Variants in FER observed in about 807,000 individuals in gnomAD.
FER encodes tyrosine-protein kinase Fer.
FER carries 63 observed loss-of-function variants against 111.0 expected under a neutral mutation model. The ratio of observed to expected loss-of-function variants is 0.57; its 90% CI spans 0.46 to 0.70. The LOEUF (loss-of-function observed/expected upper bound fraction) is 0.70, where lower values mean the gene tolerates loss of function less well. Among genes scored for constraint, FER ranks in the 30% least tolerant of loss-of-function variants. FER has a pLI of 0.00. For missense variants in FER, 914 were observed against 954.0 expected (o/e 0.96, Z 0.55); for synonymous variants, 327 against 313.9 (o/e 1.04, Z -0.44).
chr5:108,860,089 G>A (rs1763370232), intron 5 of FER, among the ~76,000 whole-genome samples: 2 of 151,650 alleles, frequency 1.3e-5, no homozygotes, highest in African/African-American at 4.8e-5. Context: ...CTACAGGTGT[G>A]CACCACCACG....
intron 9 of FER, among the ~76,000 whole-genome samples, chr5:108,892,796 G>T (rs1282879116): frequency 5.9e-5 from 9 of 152,120 alleles, no homozygotes; most frequent in Admixed American, 1.3e-4. Flanking sequence ...TTTTTATGGT[G>T]TTAGGTCTAA....
intron 17 of FER, among the ~76,000 whole-genome samples, chr5:109,175,885 G>T (rs189242321): frequency 1.4e-3 from 206 of 152,250 alleles, no homozygotes; most frequent in African/African-American, 4.3e-3. Flanking sequence ...AGGCCGAGGT[G>T]GGAGAATCGC....
intron 8 of FER, among the ~76,000 whole-genome samples, chr5:108,879,993 G>A (rs913909022): frequency 6.6e-6 from 1 of 151,960 alleles, no homozygotes; most frequent in Middle Eastern, 3.4e-3. Flanking sequence ...TTACAGATGT[G>A]AGCCACTGCT....
intron 8 of FER, among the ~76,000 whole-genome samples, chr5:108,873,166 A>T (rs1357267120): frequency 2.6e-5 from 4 of 151,870 alleles, no homozygotes; most frequent in Non-Finnish European, 5.9e-5. Flanking sequence ...TAATTTTGAG[A>T]TGAGGTCTCA....
At chr5:109,062,897 C>T (rs185568926) in intron 16 of FER, among the ~76,000 whole-genome samples, 13 of 152,290 alleles carry the variant, frequency 8.5e-5, no homozygotes, top group Non-Finnish European at 1.5e-5. Context: ...CCTTGGCAAT[C>T]CTCAAACTCA....
Position 109,173,756 on chromosome 5 carries a change from T to TCC in FER, c.2049-6981_2049-6980dup, listed in dbSNP as rs143786447. On this transcript the variant is annotated intron_variant, in intron 17 of 19. Transcript: ENST00000281092. ...ATGAGTAAGTGGTATAATATGTACC[T>TCC]CCCCCCCCCCCACAAGTAACATACA... 1.8e-3 allele frequency among the ~76,000 whole-genome samples: 224 copies of TCC among 121,958 alleles called. 3 individuals are homozygous for TCC. The highest frequency in any genetic ancestry group is 5.7e-3 in the African/African-American group (195 of 34,448). 80.0% of individuals were successfully genotyped at this position (121,958 alleles called of 152,430 possible).
At chr5:108,995,663 C>T (rs1763894815) in intron 13 of FER, among the ~76,000 whole-genome samples, 1 of 152,086 alleles carries the variant, frequency 6.6e-6, no homozygotes, top group South Asian at 2.1e-4. Flanking sequence ...TCCAGTCTAT[C>T]ATTGATGGGC....
chr5:109,147,715 G>C (rs547776663), intron 17 of FER, among the ~76,000 whole-genome samples: 1 of 149,134 alleles, frequency 6.7e-6, no homozygotes, highest in East Asian at 2.0e-4. Flanking sequence ...TTTTTGAAAA[G>C]TATCAGTGCA....
At chr5:108,998,216 T>C (rs1338964487) in intron 13 of FER, among the ~76,000 whole-genome samples, 3 of 145,778 alleles carry the variant, frequency 2.1e-5, no homozygotes, top group Admixed American at 6.9e-5. Flanking sequence ...CTCTTGCAGC[T>C]AGCTAGGTAC....
At chr5:109,053,916 C>T (rs1405756735) in intron 16 of FER, among the ~76,000 whole-genome samples, 1 of 152,012 alleles carries the variant, frequency 6.6e-6, no homozygotes, top group African/African-American at 2.4e-5. Flanking sequence ...TGGTCTCGAT[C>T]TCCTGACCTC....
chr5:108,909,805 T>G (rs1023037203), intron 10 of FER, among the ~76,000 whole-genome samples: 4 of 150,406 alleles, frequency 2.7e-5, no homozygotes, highest in African/African-American at 9.7e-5. Flanking sequence ...TATATACTTA[T>G]ATATAAATAA....
At chr5:108,883,922 G>T (rs1765923829) in intron 9 of FER, among the ~76,000 whole-genome samples, 1 of 151,978 alleles carries the variant, frequency 6.6e-6, no homozygotes, top group South Asian at 2.1e-4. Context: ...AATGGAAGCA[G>T]ACTGATGAGA....
intron 13 of FER, among the ~76,000 whole-genome samples, chr5:108,998,156 C>T (rs937952190): frequency 7.1e-6 from 1 of 141,452 alleles, no homozygotes; most frequent in South Asian, 2.4e-4. Context: ...TTCTGTCTTG[C>T]TGGCGTTCCA....
At chr5:108,920,106 T>A (rs955911219) in intron 10 of FER, among the ~76,000 whole-genome samples, 1 of 152,116 alleles carries the variant, frequency 6.6e-6, no homozygotes, top group Non-Finnish European at 1.5e-5. Flanking sequence ...ATGTAATACC[T>A]GAAGGTAAGA....
Position 108,867,849 on chromosome 5 carries a change from G to T in FER, c.564G>T (p.Ala188=). 1 of 1,612,860 alleles carries T rather than the reference G, an allele frequency of 6.2e-7. No individual in the cohort carries two copies. The highest frequency in any genetic ancestry group is 8.5e-7 in the Non-Finnish European group (1 of 1,179,468). ...LHMLHNQYVL[A]LKGAQLHQNQ... ...TGTTGCACAATCAGTATGTATTGGC[G>T]TTGAAAGGGGCACAGCTCCATCAGA... The change falls in exon 6 of 20, where the codon GCG becomes GCT. Residue 188 remains alanine, a synonymous_variant. Transcript: ENST00000281092.
At chr5:108,814,405 G>A (rs897947323) in intron 3 of FER, among the ~76,000 whole-genome samples, 9 of 152,168 alleles carry the variant, frequency 5.9e-5, no homozygotes, top group Non-Finnish European at 1.2e-4. Flanking sequence ...ATACACAGGG[G>A]AGGGCGTTCC....
Position 109,033,575 on chromosome 5 carries a change from C to G in FER, c.1657-3847C>G, listed in dbSNP as rs80109531. Among the ~76,000 whole-genome samples, 14 of 152,248 alleles carry G rather than the reference C, an allele frequency of 9.2e-5. No homozygotes were observed. In the East Asian group the frequency reaches 2.7e-3, roughly 29 times the overall value. On this transcript the variant is annotated intron_variant, in intron 13 of 19. Coordinates refer to ENST00000281092, the MANE Select transcript of FER (RefSeq NM_005246.4). ...AACCATTTCAGAGGCGTAAGTAAAGCTTTAGCATCATCATATAACTGAAAT... is the reference window on the plus strand; with the variant it reads ...AACCATTTCAGAGGCGTAAGTAAAGGTTTAGCATCATCATATAACTGAAAT...
intron 17 of FER, among the ~76,000 whole-genome samples, chr5:109,141,911 G>A (rs940018190): frequency 1.3e-5 from 2 of 151,840 alleles, no homozygotes; most frequent in Non-Finnish European, 2.9e-5. Context: ...GTTTATTGTG[G>A]TTTTCAAACC....
chr5:109,122,103 T>C (rs1378062977), intron 17 of FER, among the ~76,000 whole-genome samples: 1 of 152,098 alleles, frequency 6.6e-6, no homozygotes, highest in Non-Finnish European at 1.5e-5. Context: ...CATTAATATT[T>C]CTTCTTATTT....
Sources: gnomAD v4.1 joint callset for allele counts (sites outside exome capture counted in the v4.1 genomes callset) on GRCh38, gnomAD v4.1.1 for gene constraint, MANE v1.5 for transcripts, NCBI Gene and HGNC (gene_info 2026-07-23, HGNC 2026-07-21) for gene names.